The following EFCAB13 variants were observed in gnomAD, a reference collection of about 807,000 sequenced individuals.
The protein encoded by EFCAB13 is EF-hand calcium-binding domain-containing protein 13.
A neutral mutation model predicts 110.2 loss-of-function variants in EFCAB13; 91 were observed. The ratio of observed to expected loss-of-function variants is 0.83; its 90% CI spans 0.70 to 0.98. EFCAB13 has a LOEUF of 0.98. Ranked by LOEUF, EFCAB13 falls within the 50% of genes least tolerant of loss-of-function variation. The pLI is 0.00. For missense variants in EFCAB13, 968 were observed against 1,119.4 expected (o/e 0.86, Z 1.93); for synonymous variants, 323 against 369.9 (o/e 0.87, Z 1.45).
intron 17 of EFCAB13, 94 bp from the exon 18 acceptor site, chr17:47,402,038 A>T: frequency 1.2e-6 from 1 of 846,900 alleles, no homozygotes; most frequent in Non-Finnish European, 2.0e-6. Flanking sequence ...GATTCTTAGG[A>T]GTGCATCAAA....
chr17:47,353,476 A>G (rs1008610869), intron 9 of EFCAB13, among the ~76,000 whole-genome samples: 2 of 151,814 alleles, frequency 1.3e-5, no homozygotes, highest in African/African-American at 4.8e-5. Flanking sequence ...TTGTATTTTT[A>G]GTAGAGATGG....
intron 14 of EFCAB13, among the ~76,000 whole-genome samples, chr17:47,381,173 G>T (rs1182681562): frequency 6.6e-6 from 1 of 151,896 alleles, no homozygotes; most frequent in Non-Finnish European, 1.5e-5. Flanking sequence ...AGAAGCGTCT[G>T]TTCATATCCT....
At chr17:47,345,298 A>G (rs917346933) in intron 8 of EFCAB13, among the ~76,000 whole-genome samples, 200 bp downstream of exon 8, 2 of 152,158 alleles carry the variant, frequency 1.3e-5, no homozygotes, top group Admixed American at 6.5e-5. Flanking sequence ...TTGTATTGGT[A>G]AGATAGGGAA....
At chr17:47,373,146 C>T (rs2065594822) in intron 11 of EFCAB13, among the ~76,000 whole-genome samples, 3 of 152,050 alleles carry the variant, frequency 2.0e-5, no homozygotes, top group Admixed American at 2.0e-4. Context: ...TATATATTTT[C>T]AAATAACTTG....
intron 9 of EFCAB13, among the ~76,000 whole-genome samples, chr17:47,351,758 T>A (rs926244204): frequency 6.6e-6 from 1 of 152,142 alleles, no homozygotes; most frequent in Non-Finnish European, 1.5e-5. Flanking sequence ...TGTTGATTAT[T>A]TCTTTTGCTG....
Position 47,403,966 on chromosome 17 carries a change from G to T in EFCAB13, c.2106G>T (p.Gly702=). The change falls in exon 19 of 25, where the codon GGG becomes GGT. Residue 702 remains glycine, a synonymous_variant. Coordinates refer to ENST00000331493, the MANE Select transcript of EFCAB13 (RefSeq NM_152347.5). ...KNLEDFLRNV[G]IKSPKEEVEK... ...TGGAAGACTTTCTAAGAAATGTTGG[G>T]ATTAAGTCACCTAAAGAAGAGGTAG... 1 of 1,610,876 alleles carries T rather than the reference G, an allele frequency of 6.2e-7. No individual in the cohort carries two copies. Among genetic ancestry groups the T allele is most frequent in the African/African-American group, 1.3e-5 (1 of 74,852 alleles).
At chr17:47,351,279 C>CTGTGTGTGTGTGTGTGTGTG (rs140772791) in intron 9 of EFCAB13, among the ~76,000 whole-genome samples, 1,381 of 127,772 alleles carry the variant, frequency 0.011, 17 homozygotes, top group Non-Finnish European at 0.016. Context: ...TAGTATTCCA[C>CTGTGTGTGTGTGTGTGTGTG]TGTGTGTGTG....
chr17:47,371,769 A>G (rs942101191), intron 11 of EFCAB13, among the ~76,000 whole-genome samples: 6 of 152,056 alleles, frequency 3.9e-5, no homozygotes, highest in African/African-American at 1.2e-4. Flanking sequence ...ATGCATGACC[A>G]TGCCCGGCTA....
intron 23 of EFCAB13, among the ~76,000 whole-genome samples, chr17:47,421,634 A>G (rs1343119362): frequency 3.6e-5 from 2 of 55,984 alleles, no homozygotes; most frequent in Non-Finnish European, 6.8e-5. Context: ...TAAAAAAAAG[A>G]AAGAAAGAAA....
chr17:47,403,131 TAA>T (rs1269584947), intron 18 of EFCAB13, among the ~76,000 whole-genome samples: 2 of 152,186 alleles, frequency 1.3e-5, no homozygotes, highest in Non-Finnish European at 2.9e-5. Flanking sequence ...AGGCAGGACA[TAA>T]GACTTAAACT....
intron 21 of EFCAB13, among the ~76,000 whole-genome samples, chr17:47,411,251 T>G (rs1462523365): frequency 6.6e-6 from 1 of 152,266 alleles, no homozygotes; most frequent in Admixed American, 6.5e-5. Flanking sequence ...TGCATTTGTA[T>G]TTATTCTGTA....
chr17:47,368,790 G>A (rs907391390), intron 10 of EFCAB13, among the ~76,000 whole-genome samples: 2 of 152,184 alleles, frequency 1.3e-5, no homozygotes, highest in African/African-American at 4.8e-5. Context: ...TGTGGTTTAT[G>A]AAATATTATG....
intron 6 of EFCAB13, 146 bp downstream of exon 6, chr17:47,342,178 ATTCTCCTTTTTC>A: frequency 4.0e-6 from 2 of 499,334 alleles, no homozygotes; most frequent in Non-Finnish European, 7.1e-6. Flanking sequence ...TCTGTTCTTA[ATTCTCCTTTTTC>A]TTCTCCTTAA....
intron 24 of EFCAB13, among the ~76,000 whole-genome samples, chr17:47,438,842 G>A (rs555560925): frequency 2.6e-5 from 4 of 152,182 alleles, no homozygotes; most frequent in Admixed American, 6.5e-5. Flanking sequence ...GAACTAGTGC[G>A]ATTTTCCTAC....
intron 23 of EFCAB13, among the ~76,000 whole-genome samples, chr17:47,425,488 C>T (rs1278948729): frequency 6.6e-6 from 1 of 152,158 alleles, no homozygotes; most frequent in Admixed American, 6.5e-5. Context: ...AGCTACTACC[C>T]AGAACCCAGT....
Position 47,345,031 on chromosome 17 carries a change from G to A in EFCAB13, c.450G>A (p.Leu150=). The A allele has an allele frequency of 6.2e-7, 1 of 1,605,406 alleles. No individual in the cohort carries two copies. The highest frequency in any genetic ancestry group is 8.5e-7 in the Non-Finnish European group (1 of 1,176,172). ...TCTTTGACAGGGAAAAGGAAATGCT[G>A]TCTAACCTCTACATGACATTATATG... ...SSAITREKEM[L]SNLYMTLYDE... is the part of the protein sequence containing the mutation. Residue 150 remains leucine (L), a synonymous_variant, in exon 8 of 25, where the codon CTG becomes CTA. Transcript: ENST00000331493.
chr17:47,407,148 T>A (rs1446022226), intron 20 of EFCAB13, among the ~76,000 whole-genome samples: 1 of 152,108 alleles, frequency 6.6e-6, no homozygotes, highest in Non-Finnish European at 1.5e-5. Context: ...TTATGAGGAA[T>A]GAAGGGGACT....
chr17:47,419,901 T>A (rs1206787599), intron 23 of EFCAB13, among the ~76,000 whole-genome samples: 1 of 148,372 alleles, frequency 6.7e-6, no homozygotes, highest in Non-Finnish European at 1.5e-5. Flanking sequence ...GAGATCTACA[T>A]ATAAGAAATG....
At chr17:47,370,971 C>T (rs1204900291) in intron 11 of EFCAB13, among the ~76,000 whole-genome samples, 1 of 151,404 alleles carries the variant, frequency 6.6e-6, no homozygotes, top group African/African-American at 2.4e-5. Context: ...AACTCCTGAC[C>T]TCAGGTGATC....
Sources: allele counts gnomAD v4.1 joint callset (sites outside exome capture counted in the v4.1 genomes callset), GRCh38; gene constraint gnomAD v4.1.1; transcripts MANE v1.5; gene names NCBI Gene and HGNC (gene_info 2026-07-23, HGNC 2026-07-21).